The following KAZN variants were observed in gnomAD, a reference collection of about 807,000 sequenced individuals.
The protein encoded by KAZN is kazrin, periplakin interacting protein.
In KAZN, 40 loss-of-function variants were observed where a neutral mutation model predicts 87.4. The observed-to-expected ratio is 0.46, with a 90% CI of 0.36 to 0.60. KAZN has a LOEUF of 0.60. KAZN is among the 20% of genes least tolerant of loss of function. The probability of loss-of-function intolerance (pLI) is 0.00; values close to 1 mark genes in which losing one functional copy is unlikely to be tolerated. For missense variants in KAZN, 898 were observed against 1,073.9 expected, an observed-to-expected ratio of 0.84 and a Z score of 2.29; for synonymous variants, 466 against 458.3, an observed-to-expected ratio of 1.02 and a Z score of -0.22.
At chr1:14,326,845 T>G (rs1656469858) in intron 2 of KAZN, among the ~76,000 whole-genome samples, 1 of 152,002 alleles carries the variant, frequency 6.6e-6, no homozygotes, top group Non-Finnish European at 1.5e-5. Context: ...TTCTCCGTGA[T>G]TTTTCTGATG....
chr1:14,937,808 C>T (rs1012726374), intron 1 of KAZN, among the ~76,000 whole-genome samples: 4 of 152,192 alleles, frequency 2.6e-5, no homozygotes, highest in African/African-American at 4.8e-5. Flanking sequence ...GTGCCTGGAG[C>T]GTGGCCATCT....
intron 1 of KAZN, among the ~76,000 whole-genome samples, chr1:14,701,805 C>G (rs1641936631): frequency 6.6e-6 from 1 of 152,136 alleles, no homozygotes; most frequent in Non-Finnish European, 1.5e-5. Context: ...TCAAAACAAA[C>G]AAACAAAGCC....
intron 2 of KAZN, among the ~76,000 whole-genome samples, chr1:14,402,109 A>G (rs1451838912): frequency 6.6e-6 from 1 of 151,850 alleles, no homozygotes; most frequent in Non-Finnish European, 1.5e-5. Context: ...AAGAGAACAT[A>G]TATATTTTCA....
intron 2 of KAZN, among the ~76,000 whole-genome samples, chr1:14,985,831 C>T (rs530020612): frequency 1.1e-4 from 16 of 151,664 alleles, no homozygotes; most frequent in African/African-American, 3.9e-4. Flanking sequence ...GTGAAACCCT[C>T]ATCTCTACTA....
At chr1:14,229,152 C>T (rs1331096045) in intron 2 of KAZN, among the ~76,000 whole-genome samples, 2 of 152,160 alleles carry the variant, frequency 1.3e-5, no homozygotes, top group African/African-American at 2.4e-5. Flanking sequence ...TAAAATTGCA[C>T]CACGAACGGC....
chr1:14,740,803 C>T (rs567646157), intron 1 of KAZN, among the ~76,000 whole-genome samples: 1 of 152,298 alleles, frequency 6.6e-6, no homozygotes, highest in East Asian at 1.9e-4. Context: ...CTTGCCAGCC[C>T]CCAAACAGGA....
chr1:14,637,054 G>T, intron 1 of KAZN, among the ~76,000 whole-genome samples: 1 of 152,148 alleles, frequency 6.6e-6, no homozygotes, highest in East Asian at 1.9e-4. Flanking sequence ...TATGCAGGCT[G>T]CCCAGAGAGC....
chr1:14,444,992 G>C (rs962958293), intron 2 of KAZN, among the ~76,000 whole-genome samples: 7 of 151,002 alleles, frequency 4.6e-5, no homozygotes, highest in African/African-American at 1.7e-4. Context: ...TTAAAATGAG[G>C]TCATTAGGGT....
At chr1:14,314,446 A>G (rs1439820734) in intron 2 of KAZN, among the ~76,000 whole-genome samples, 1 of 152,086 alleles carries the variant, frequency 6.6e-6, no homozygotes, top group East Asian at 1.9e-4. Context: ...CTTTGCCTCC[A>G]TTCCCTATGT....
At chr1:14,230,564 T>G (rs1040574960) in intron 2 of KAZN, among the ~76,000 whole-genome samples, 2 of 152,150 alleles carry the variant, frequency 1.3e-5, no homozygotes, top group Non-Finnish European at 2.9e-5. Flanking sequence ...GTGCTTTATA[T>G]TTTTCCTCTA....
intron 1 of KAZN, among the ~76,000 whole-genome samples, chr1:13,962,639 C>G (rs1215541402): frequency 6.6e-6 from 1 of 152,164 alleles, no homozygotes; most frequent in African/African-American, 2.4e-5. Context: ...CTCACTGCAA[C>G]CTCCACCTGC....
intron 1 of KAZN, among the ~76,000 whole-genome samples, chr1:13,925,775 G>A (rs1640248436): frequency 6.6e-6 from 1 of 152,228 alleles, no homozygotes; most frequent in African/African-American, 2.4e-5. Context: ...AGCACTAGAG[G>A]ACAGAGGCAG....
chr1:14,751,467 G>C (rs935343338), intron 1 of KAZN, among the ~76,000 whole-genome samples: 1 of 152,158 alleles, frequency 6.6e-6, no homozygotes, highest in Non-Finnish European at 1.5e-5. Flanking sequence ...ACTTCTCATA[G>C]CTTACCTCGT....
intron 1 of KAZN, among the ~76,000 whole-genome samples, chr1:14,799,489 C>T (rs751321927): frequency 1.1e-4 from 16 of 152,222 alleles, no homozygotes; most frequent in African/African-American, 2.2e-4. Context: ...TGACGTGGAC[C>T]GACAGTAAAT....
chr1:14,678,700 C>T lies in KAZN; in HGVS notation c.226+79477C>T, dbSNP rs574564937. 1.5e-3 allele frequency among the ~76,000 whole-genome samples: 232 copies of T among 152,322 alleles called. 1 individual carries two copies. The highest frequency in any genetic ancestry group is 5.3e-3 in the African/African-American group (220 of 41,566). On this transcript the variant is annotated intron_variant, in intron 1 of 14. Coordinates refer to ENST00000376030, the MANE Select transcript of KAZN (RefSeq NM_201628.3). The stretch of plus-strand genomic sequence containing the variant: ...TCTCAGGCTCAGGTTTCATTATTTA[C>T]TACAGATGGTGTTAAACTGCAAAAC...
intron 1 of KAZN, among the ~76,000 whole-genome samples, chr1:14,765,022 T>C (rs149228024): frequency 6.6e-6 from 1 of 152,346 alleles, no homozygotes; most frequent in East Asian, 1.9e-4. Flanking sequence ...GTTCTTTAAG[T>C]ACAAGTTTGA....
At chr1:14,396,097 G>C (rs1662874684) in intron 2 of KAZN, among the ~76,000 whole-genome samples, 1 of 148,684 alleles carries the variant, frequency 6.7e-6, no homozygotes, top group African/African-American at 2.5e-5. Context: ...GAACCCGGGA[G>C]GCAAAGGTTG....
upstream of KAZN, among the ~76,000 whole-genome samples, chr1:14,595,069 G>A (rs927614990): frequency 5.9e-5 from 9 of 151,818 alleles, no homozygotes; most frequent in African/African-American, 1.5e-4. Context: ...GCTTGAACCC[G>A]GGAGGCAGAG....
chr1:14,815,095 A>C (rs1481761684), intron 1 of KAZN, among the ~76,000 whole-genome samples: 2 of 152,126 alleles, frequency 1.3e-5, no homozygotes, highest in Non-Finnish European at 2.9e-5. Flanking sequence ...GCATTTACCA[A>C]GGGGCCAGGG....
Sources: allele counts gnomAD v4.1 joint callset (sites outside exome capture counted in the v4.1 genomes callset), GRCh38; gene constraint gnomAD v4.1.1; transcripts MANE v1.5; gene names NCBI Gene and HGNC (gene_info 2026-07-23, HGNC 2026-07-21).